ALK: variants seen among roughly 807,000 people sequenced by gnomAD.
ALK encodes the protein ALK tyrosine kinase receptor.
A neutral mutation model predicts 163.1 loss-of-function variants in ALK; 74 were observed. The ratio of observed to expected loss-of-function variants is 0.45; its 90% CI spans 0.38 to 0.55. The LOEUF is 0.55. ALK is among the 20% of genes least tolerant of loss of function. ALK has a pLI of 0.00. For missense variants in ALK, 2,063 were observed against 2,105.3 expected, an observed-to-expected ratio of 0.98 and a Z score of 0.39; for synonymous variants, 960 against 843.2, an observed-to-expected ratio of 1.14 and a Z score of -2.40.
intron 1 of ALK, among the ~76,000 whole-genome samples, chr2:29,756,537 T>TC: frequency 6.6e-6 from 1 of 151,638 alleles, no homozygotes; most frequent in South Asian, 2.1e-4. Flanking sequence ...TGATTTTTTT[T>TC]TTTTTTTTTG....
chr2:29,848,174 T>G (rs938579483), intron 1 of ALK, among the ~76,000 whole-genome samples: 3 of 151,960 alleles, frequency 2.0e-5, no homozygotes, highest in African/African-American at 7.3e-5. Flanking sequence ...GTGGGGAGGC[T>G]TTTCTTCCCA....
At chr2:29,723,359 A>G (rs1309408513) in intron 1 of ALK, among the ~76,000 whole-genome samples, 1 of 152,186 alleles carries the variant, frequency 6.6e-6, no homozygotes, top group East Asian at 1.9e-4. Context: ...GTCCCTGTCC[A>G]TAGGTCAACT....
intron 1 of ALK, among the ~76,000 whole-genome samples, chr2:29,744,579 A>G (rs992568671): frequency 6.6e-6 from 1 of 151,802 alleles, no homozygotes; most frequent in Admixed American, 6.6e-5. Context: ...TTTTTAATTA[A>G]CTGACTTTTC....
intron 3 of ALK, among the ~76,000 whole-genome samples, chr2:29,667,214 G>T (rs1483474438): frequency 6.6e-6 from 1 of 152,018 alleles, no homozygotes; most frequent in Non-Finnish European, 1.5e-5. Context: ...TGAATTGCTG[G>T]AACATATAGT....
chr2:29,833,709 G>T (rs1439768867), intron 1 of ALK, among the ~76,000 whole-genome samples: 1 of 152,216 alleles, frequency 6.6e-6, no homozygotes, highest in East Asian at 1.9e-4. Flanking sequence ...CACAGATGTA[G>T]AATTTACTCA....
At chr2:29,249,109 C>T (rs1284326264) in intron 12 of ALK, among the ~76,000 whole-genome samples, 2 of 152,144 alleles carry the variant, frequency 1.3e-5, no homozygotes, top group Non-Finnish European at 2.9e-5. Context: ...GATTAGCTGA[C>T]CTGTGCAAGT....
chr2:29,394,175 T>C (rs952285516), intron 4 of ALK, among the ~76,000 whole-genome samples: 1 of 152,172 alleles, frequency 6.6e-6, no homozygotes, highest in African/African-American at 2.4e-5. Flanking sequence ...AGGATCTAAG[T>C]TGATTCCCAA....
intron 4 of ALK, among the ~76,000 whole-genome samples, chr2:29,456,560 G>A (rs1670958715): frequency 6.6e-6 from 1 of 152,152 alleles, no homozygotes; most frequent in African/African-American, 2.4e-5. Flanking sequence ...GGGCTAGAGG[G>A]AGAATGAGGA....
chr2:29,666,735 C>T (rs1677523878), intron 3 of ALK, among the ~76,000 whole-genome samples: 2 of 152,102 alleles, frequency 1.3e-5, no homozygotes, highest in South Asian at 2.1e-4. Context: ...GTAAAACATA[C>T]ACATAAAATT....
In ALK at chr2:29,193,210, G is replaced by A. The variant is rs1172433882; in HGVS notation, c.*14C>T. On this transcript the variant is annotated 3_prime_UTR_variant, in exon 29 of 29. Transcript: ENST00000389048. ...TAGGGATCCCAAGGAAGAGAAGTGA[G>A]TGTGCGACCGAGCTCAGGGCCCAGG... 6.2e-7 allele frequency: 1 copy of A among 1,612,870 alleles called. No homozygotes were observed. The highest frequency in any genetic ancestry group is 2.2e-5 in the East Asian group (1 of 44,854).
intron 1 of ALK, among the ~76,000 whole-genome samples, chr2:29,799,360 T>A (rs557561258): frequency 1.3e-5 from 2 of 152,230 alleles, no homozygotes; most frequent in Non-Finnish European, 2.9e-5. Context: ...ATGTATCACT[T>A]TAAAAACACT....
At chr2:29,788,985 G>A (rs1288756612) in intron 1 of ALK, among the ~76,000 whole-genome samples, 2 of 143,514 alleles carry the variant, frequency 1.4e-5, no homozygotes, top group African/African-American at 5.0e-5. Flanking sequence ...GCAAACGGCC[G>A]AGTCTAAAAA....
At chr2:29,196,072 G>T (rs1444623636) in intron 28 of ALK, among the ~76,000 whole-genome samples, 2 of 152,000 alleles carry the variant, frequency 1.3e-5, no homozygotes, top group East Asian at 3.9e-4. Context: ...ATGAGGGAGA[G>T]AAGCAAAAAT....
intron 4 of ALK, among the ~76,000 whole-genome samples, chr2:29,470,909 A>G (rs1031938870): frequency 2.6e-5 from 4 of 152,224 alleles, no homozygotes; most frequent in Non-Finnish European, 1.5e-5. Flanking sequence ...AATACATGAC[A>G]ACAAAAGGAT....
intron 1 of ALK, among the ~76,000 whole-genome samples, chr2:29,783,246 A>T (rs1663892774): frequency 6.6e-6 from 1 of 152,224 alleles, no homozygotes; most frequent in Non-Finnish European, 1.5e-5. Flanking sequence ...GTCACCTGAC[A>T]TTTAGCTTCG....
At chr2:29,469,765 C>T (rs953586183) in intron 4 of ALK, among the ~76,000 whole-genome samples, 3 of 152,168 alleles carry the variant, frequency 2.0e-5, no homozygotes, top group Non-Finnish European at 4.4e-5. Flanking sequence ...AGCCCTAAAT[C>T]ATCAAATCCT....
chr2:29,460,496 T>C (rs549358519), intron 4 of ALK, among the ~76,000 whole-genome samples: 37 of 152,312 alleles, frequency 2.4e-4, no homozygotes, highest in South Asian at 1.0e-3. Flanking sequence ...TTTCCAGCAG[T>C]GTGTGCTCAC....
chr2:29,359,817 A>G (rs1377137819), intron 5 of ALK, among the ~76,000 whole-genome samples: 1 of 152,216 alleles, frequency 6.6e-6, no homozygotes, highest in African/African-American at 2.4e-5. Context: ...TGTCTTGAAG[A>G]TAATTCCACC....
chr2:29,748,714 G>A (rs186647180), intron 1 of ALK, among the ~76,000 whole-genome samples: 7 of 152,114 alleles, frequency 4.6e-5, no homozygotes, highest in East Asian at 1.9e-4. Context: ...AGAAGAAGGC[G>A]CTTAGTCGAT....
Sources: gnomAD v4.1 joint callset for allele counts (sites outside exome capture counted in the v4.1 genomes callset) on GRCh38, gnomAD v4.1.1 for gene constraint, MANE v1.5 for transcripts, NCBI Gene and HGNC (gene_info 2026-07-23, HGNC 2026-07-21) for gene names.